Variants in CSMD3 observed in about 807,000 individuals in gnomAD.
The protein encoded by CSMD3 is CUB and Sushi multiple domains 3.
Under a neutral mutation model 435.2 loss-of-function variants are expected in CSMD3, and 177 were observed. The observed-to-expected ratio is 0.41, with a 90% confidence interval of 0.36 to 0.46. The LOEUF (loss-of-function observed/expected upper bound fraction) is 0.46. Ranked by LOEUF, CSMD3 falls within the 20% of genes least tolerant of loss-of-function variation. CSMD3 has a pLI of 0.34. For missense variants in CSMD3, 4,265 were observed against 4,504.6 expected (o/e 0.95, Z 1.52); for synonymous variants, 1,656 against 1,520.5 (o/e 1.09, Z -2.07).
intron 4 of CSMD3, among the ~76,000 whole-genome samples, chr8:113,172,706 G>A (rs2092287475): frequency 6.6e-6 from 1 of 152,148 alleles, no homozygotes. Flanking sequence ...CCAGGAGGTT[G>A]TGGTGCATGT....
intron 32 of CSMD3, among the ~76,000 whole-genome samples, chr8:112,440,713 G>A (rs1427977902): frequency 1.3e-5 from 2 of 152,192 alleles, no homozygotes; most frequent in African/African-American, 4.8e-5. Context: ...CAGGTCCAAC[G>A]CCATGTGGAA....
At chr8:113,072,126 T>G (rs1249294181) in intron 5 of CSMD3, among the ~76,000 whole-genome samples, 1 of 151,820 alleles carries the variant, frequency 6.6e-6, no homozygotes, top group Non-Finnish European at 1.5e-5. Context: ...AATATAAAAA[T>G]GTAACTAATT....
At chr8:112,895,726 A>G (rs2081931714) in intron 10 of CSMD3, among the ~76,000 whole-genome samples, 2 of 151,436 alleles carry the variant, frequency 1.3e-5, no homozygotes. Flanking sequence ...AATGTTAAAC[A>G]ACTTAAATTG....
intron 3 of CSMD3, among the ~76,000 whole-genome samples, chr8:113,264,866 G>C (rs561891220): frequency 2.6e-5 from 4 of 151,568 alleles, no homozygotes; most frequent in African/African-American, 9.7e-5. Context: ...TAACGTAGGA[G>C]ATGTATTAAA....
chr8:113,298,651 T>C (rs2093740176), intron 2 of CSMD3, among the ~76,000 whole-genome samples: 1 of 152,046 alleles, frequency 6.6e-6, no homozygotes, highest in Admixed American at 6.6e-5. Context: ...AGAGGAAGGT[T>C]TGTTTGTAGT....
At chr8:112,523,114 A>G (rs572378216) in intron 27 of CSMD3, among the ~76,000 whole-genome samples, 1 of 152,010 alleles carries the variant, frequency 6.6e-6, no homozygotes, top group South Asian at 2.1e-4. Context: ...TTTTGGTATA[A>G]ACTTGTTTAT....
At chr8:112,255,574 T>G (rs892538415) in intron 61 of CSMD3, 147 bp from the exon 62 acceptor site, 1 of 723,618 alleles carries the variant, frequency 1.4e-6, no homozygotes, top group African/African-American at 1.8e-5. Context: ...AAATTTATTT[T>G]TTAGCTTATG....
intron 13 of CSMD3, among the ~76,000 whole-genome samples, chr8:112,747,987 C>A (rs1380790939): frequency 8.1e-4 from 99 of 121,948 alleles, no homozygotes; most frequent in East Asian, 3.0e-3. Context: ...AAAAAAAAAA[C>A]AGGCATCAGG....
rs2130838372 is a variant in CSMD3 at position 112,314,590 on chromosome 8, A to G, written c.7388T>C (p.Leu2463Pro). Residue 2463 changes from leucine (L) to proline (P), a missense_variant, in exon 48 of 71, where the codon CTA becomes CCA. By Grantham distance (98) the Leu-to-Pro change is moderately conservative. This residue lies in a region of CSMD3 where 3,255 missense variants were observed against 3,380.2 expected (regional missense o/e 0.96). Coordinates refer to ENST00000297405, the MANE Select transcript of CSMD3 (RefSeq NM_198123.2). ...QVLCPANELR[L>P]DSTGVILSPG... The stretch of plus-strand genomic sequence containing the variant: ...GCTCAATATGACTCCAGTAGAATCT[A>G]GCCGTAATTCATTGGCAGGACAGAG... 6.2e-7 allele frequency: 1 copy of G among 1,612,700 alleles called. No homozygotes were observed. The highest frequency in any genetic ancestry group is 8.5e-7 in the Non-Finnish European group (1 of 1,178,934).
intron 6 of CSMD3, among the ~76,000 whole-genome samples, chr8:112,991,202 A>G (rs2085445199): frequency 1.3e-5 from 2 of 150,934 alleles, no homozygotes; most frequent in South Asian, 2.1e-4. Context: ...GCTGCTGAAT[A>G]TATATATATA....
At chr8:112,807,282 AG>A (rs2079111851) in intron 12 of CSMD3, among the ~76,000 whole-genome samples, 13 of 152,174 alleles carry the variant, frequency 8.5e-5, no homozygotes, top group Admixed American at 8.5e-4. Context: ...TCCATTACAT[AG>A]GGAGCCAAAG....
At chr8:113,403,134 C>T (rs533393837) in intron 1 of CSMD3, among the ~76,000 whole-genome samples, 29 of 151,174 alleles carry the variant, frequency 1.9e-4, no homozygotes, top group African/African-American at 5.8e-4. Context: ...CAGCTGTGTC[C>T]GTTTTAGCAT....
At chr8:112,944,277 G>T (rs2083537573) in intron 9 of CSMD3, among the ~76,000 whole-genome samples, 2 of 151,562 alleles carry the variant, frequency 1.3e-5, no homozygotes, top group South Asian at 4.1e-4. Context: ...TGTAGGCCTA[G>T]CAGCATCTCT....
rs139898875 is a variant in CSMD3, at chr8:112,502,278, A to C, written c.5083+1512T>G. ...CTGATACAGAGCAGGTAGCATTTGC[A>C]GAAAACCCCAATAAACAGCCAACAC... On this transcript the variant is annotated intron_variant, in intron 30 of 70. Transcript: ENST00000297405. Among the ~76,000 whole-genome samples the C allele has an allele frequency of 8.4e-3, 1,284 of 152,304 alleles. 25 individuals are homozygous for C. The highest frequency in any genetic ancestry group is 0.029 in the African/African-American group (1,193 of 41,552).
At chr8:113,052,353 A>G (rs1319216861) in intron 5 of CSMD3, among the ~76,000 whole-genome samples, 2 of 152,228 alleles carry the variant, frequency 1.3e-5, no homozygotes, top group Admixed American at 1.3e-4. Flanking sequence ...TACATCTTCT[A>G]TGGGAAAAGG....
chr8:112,291,814 T>G (rs1003884844), intron 55 of CSMD3, 119 bp from the exon 56 acceptor site: 1 of 676,622 alleles, frequency 1.5e-6, no homozygotes, highest in African/African-American at 1.8e-5. Flanking sequence ...ACAACCAGAT[T>G]CCAATAATAA....
intron 12 of CSMD3, among the ~76,000 whole-genome samples, chr8:112,812,817 A>C (rs1260603994): frequency 6.6e-6 from 1 of 152,162 alleles, no homozygotes; most frequent in African/African-American, 2.4e-5. Flanking sequence ...CTAGTCAGTC[A>C]CTTCCTGCTA....
intron 3 of CSMD3, among the ~76,000 whole-genome samples, chr8:113,232,881 C>T (rs930055160): frequency 2.6e-5 from 4 of 151,702 alleles, no homozygotes; most frequent in Admixed American, 1.3e-4. Context: ...TTTTCAACTG[C>T]GACAGATTTA....
chr8:113,070,909 A>G (rs1375145941), intron 5 of CSMD3, among the ~76,000 whole-genome samples: 1 of 152,078 alleles, frequency 6.6e-6, no homozygotes, highest in Non-Finnish European at 1.5e-5. Context: ...TATTTACCAT[A>G]AAGAGCATAC....
Sources: gnomAD v4.1 joint callset for allele counts (sites outside exome capture counted in the v4.1 genomes callset) on GRCh38, gnomAD v4.1.1 for gene constraint, gnomAD v4.1.1 regional missense constraint, MANE v1.5 for transcripts, NCBI Gene and HGNC (gene_info 2026-07-23, HGNC 2026-07-21) for gene names.